Variants in CUBN observed in about 807,000 individuals in gnomAD.
The protein encoded by CUBN is cubilin, also known as 460 kDa receptor.
Under a neutral mutation model 405.3 loss-of-function variants are expected in CUBN, and 282 were observed. That is an observed-to-expected ratio of 0.70 (90% confidence interval 0.63 to 0.77). The LOEUF is 0.77. Among genes scored for constraint, CUBN ranks in the 30% least tolerant of loss-of-function variants. The pLI is 0.00. For synonymous variants in CUBN, 1,684 were observed against 1,617.0 expected, an observed-to-expected ratio of 1.04 and a Z score of -0.99; for missense variants, 4,514 against 4,475.2, an observed-to-expected ratio of 1.01 and a Z score of -0.25.
At position 16,933,159 on chromosome 10, in the gene CUBN, C is replaced by T; in HGVS notation, c.6052G>A (p.Glu2018Lys). Residue 2018 changes from glutamate (E) to lysine (K), a missense_variant, in exon 40 of 67, where the codon GAA becomes AAA. Transcript: ENST00000377833. ...ATGTCCAGGGAAAGAATGTTGAGTT[C>T]CACGGTAGAGTCGGGAGCCTGGATG... ...WLIQAPDSTV[E>K]LNILSLDIES... is the part of the protein sequence containing the mutation. The T allele has an allele frequency of 6.2e-7, 1 of 1,614,004 alleles. No homozygotes were observed. The highest frequency in any genetic ancestry group is 8.5e-7 in the Non-Finnish European group (1 of 1,180,006).
At chr10:16,898,066 GTATATA>G (rs10551726) in intron 54 of CUBN, among the ~76,000 whole-genome samples, 7 of 145,018 alleles carry the variant, frequency 4.8e-5, no homozygotes, top group Admixed American at 1.4e-4. Context: ...TTTATTATAT[GTATATA>G]TATATATATA....
chr10:17,019,391 C>G (rs1834433104), intron 28 of CUBN, among the ~76,000 whole-genome samples: 1 of 152,088 alleles, frequency 6.6e-6, no homozygotes, highest in Admixed American at 6.6e-5. Flanking sequence ...TTCCTTTTCC[C>G]CATCCCTGTC....
chr10:16,889,051 C>A (rs1371786683), intron 55 of CUBN, among the ~76,000 whole-genome samples: 3 of 152,068 alleles, frequency 2.0e-5, no homozygotes, highest in Non-Finnish European at 2.9e-5. Flanking sequence ...ATTTATTAAT[C>A]CCAACTCTTA....
At chr10:17,044,421 A>C in intron 25 of CUBN, among the ~76,000 whole-genome samples, 1 of 151,854 alleles carries the variant, frequency 6.6e-6, no homozygotes, top group South Asian at 2.1e-4. Flanking sequence ...AACTCAGGCA[A>C]TTAAGCTGTG....
chr10:17,045,578 A>G (rs1471069451), intron 24 of CUBN, among the ~76,000 whole-genome samples: 1 of 151,828 alleles, frequency 6.6e-6, no homozygotes, highest in Non-Finnish European at 1.5e-5. Flanking sequence ...TATGTTTAGT[A>G]GAGACTATGT....
intron 53 of CUBN, among the ~76,000 whole-genome samples, chr10:16,899,853 A>T (rs932259024): frequency 3.9e-5 from 6 of 152,210 alleles, no homozygotes; most frequent in Middle Eastern, 3.2e-3. Context: ...AACCAGGGGA[A>T]GTCTGACTCA....
chr10:16,952,997 C>T (rs915699443), intron 32 of CUBN, among the ~76,000 whole-genome samples: 2 of 152,078 alleles, frequency 1.3e-5, no homozygotes, highest in African/African-American at 4.8e-5. Context: ...CATGGGGTGC[C>T]CCAGGGATGT....
intron 31 of CUBN, among the ~76,000 whole-genome samples, chr10:16,959,489 G>T (rs1196066454): frequency 6.6e-6 from 1 of 152,064 alleles, no homozygotes; most frequent in Non-Finnish European, 1.5e-5. Context: ...TTAGCCAGAT[G>T]TAGTGGCACA....
intron 36 of CUBN, among the ~76,000 whole-genome samples, chr10:16,941,307 G>C (rs147050642): frequency 6.6e-6 from 1 of 151,978 alleles, no homozygotes; most frequent in African/African-American, 2.4e-5. Flanking sequence ...CTTATGGAGA[G>C]AGAGGAAAAA....
At position 17,065,544 on chromosome 10, in the gene CUBN, A is replaced by G; in HGVS notation, c.3103T>C (p.Phe1035Leu). 2 of 1,613,616 alleles carry G rather than the reference A, an allele frequency of 1.2e-6. No homozygotes were observed. Among genetic ancestry groups the G allele is most frequent in the African/African-American group, 2.7e-5 (2 of 75,006 alleles). ...VTDSDLAYEGFLINYEAISAA... is the reference protein window; with the variant it reads ...VTDSDLAYEGLLINYEAISAA... ...CTGATTGCTTCATAGTTTATTAAGA[A>G]GCCTTCATAAGCGAGGTCGGAGTCA... The change falls in exon 22 of 67, where the codon TTC (phenylalanine) becomes CTC (leucine). Residue 1035 changes from phenylalanine (F) to leucine (L), a missense_variant. Transcript: ENST00000377833.
chr10:16,969,319 T>C (rs1843486068), intron 31 of CUBN, among the ~76,000 whole-genome samples: 1 of 151,926 alleles, frequency 6.6e-6, no homozygotes, highest in Non-Finnish European at 1.5e-5. Context: ...ACTACTGCTG[T>C]GGGTTCTGTG....
At chr10:17,063,538 T>G (rs1835547530) in intron 22 of CUBN, among the ~76,000 whole-genome samples, 1 of 152,184 alleles carries the variant, frequency 6.6e-6, no homozygotes, top group South Asian at 2.1e-4. Flanking sequence ...CCAGTTTGCT[T>G]CTATCTCTTT....
intron 22 of CUBN, among the ~76,000 whole-genome samples, chr10:17,056,886 G>A (rs564728929): frequency 2.0e-5 from 3 of 152,174 alleles, no homozygotes; most frequent in African/African-American, 7.2e-5. Flanking sequence ...TGAACCATAT[G>A]GTTTTAATGA....
intron 29 of CUBN, among the ~76,000 whole-genome samples, chr10:16,985,699 C>A (rs1247080911): frequency 6.6e-6 from 1 of 152,236 alleles, no homozygotes; most frequent in Non-Finnish European, 1.5e-5. Context: ...CATGCTCCCC[C>A]TCCCATAAGG....
chr10:16,931,255 C>A (rs1409711436), intron 40 of CUBN, among the ~76,000 whole-genome samples: 1 of 149,924 alleles, frequency 6.7e-6, no homozygotes, highest in Non-Finnish European at 1.5e-5. Flanking sequence ...AAGAGTGAGA[C>A]TCCGTCTCAA....
chr10:17,047,401 T>C lies in CUBN; in HGVS notation c.3329+13A>G, dbSNP rs762064367. On this transcript the variant is annotated intron_variant, in intron 23 of 66. Coordinates refer to ENST00000377833, the MANE Select transcript of CUBN (RefSeq NM_001081.4). ...AATGAAAAGATTATAATGAAATAAA[T>C]AAAAGTGCTGACCTGATTTCCAGAA... 6.3e-7 allele frequency: 1 copy of C among 1,582,014 alleles called. No homozygotes were observed. Among genetic ancestry groups the C allele is most frequent in the South Asian group, 1.1e-5 (1 of 89,740 alleles).
chr10:17,039,142 C>T (rs1198509200), intron 27 of CUBN, among the ~76,000 whole-genome samples: 6 of 152,154 alleles, frequency 3.9e-5, no homozygotes, highest in African/African-American at 1.2e-4. Flanking sequence ...CTTTCTGTGG[C>T]TTTCTCCATT....
In CUBN at chr10:16,851,562, A is replaced by T. The variant is rs1312593593; in HGVS notation, c.9455-119T>A. 1.5e-5 allele frequency: 14 copies of T among 927,464 alleles called. No homozygotes were observed. In the Admixed American group the frequency reaches 2.6e-4, roughly 17 times the overall value. 57.5% of individuals were successfully genotyped at this position (927,464 alleles called of 1,614,324 possible). On this transcript the variant is annotated intron_variant, in intron 59 of 66. Transcript: ENST00000377833. ...TCTGTCACACTCTGAGAACATGATC[A>T]GATCATTCCCTCCTGGGCTCCCTCC...
At chr10:16,954,614 A>C in intron 31 of CUBN, 66 bp from the exon 32 acceptor site, 1 of 1,537,754 alleles carries the variant, frequency 6.5e-7, no homozygotes, top group Non-Finnish European at 8.9e-7. Context: ...TATTCCACGA[A>C]CTGTCTGCAC....
Sources: allele counts gnomAD v4.1 joint callset (sites outside exome capture counted in the v4.1 genomes callset), GRCh38; gene constraint gnomAD v4.1.1; transcripts MANE v1.5; gene names NCBI Gene and HGNC (gene_info 2026-07-23, HGNC 2026-07-21).